The following SLC4A10 variants were observed in gnomAD, a reference collection of about 807,000 sequenced individuals.
SLC4A10 encodes sodium-driven chloride bicarbonate exchanger.
A neutral mutation model predicts 137.7 loss-of-function variants in SLC4A10; 42 were observed. That is an observed-to-expected ratio of 0.30 (90% confidence interval 0.24 to 0.39). The LOEUF (loss-of-function observed/expected upper bound fraction) is 0.39, where lower values mean the gene tolerates loss of function less well. Ranked by LOEUF, SLC4A10 falls within the 10% of genes least tolerant of loss-of-function variation. The probability of loss-of-function intolerance (pLI) is 1.00; values close to 1 mark genes in which losing one functional copy is unlikely to be tolerated. For synonymous variants in SLC4A10, 474 were observed against 464.1 expected, an observed-to-expected ratio of 1.02 and a Z score of -0.27; for missense variants, 925 against 1,355.0, an observed-to-expected ratio of 0.68 and a Z score of 4.98.
chr2:161,917,878 C>T (rs555483726), intron 15 of SLC4A10, among the ~76,000 whole-genome samples: 1 of 152,242 alleles, frequency 6.6e-6, no homozygotes, highest in African/African-American at 2.4e-5. Flanking sequence ...ATTTGTTAAA[C>T]AAATGAATGA....
At chr2:161,825,677 C>G (rs565920214) in intron 3 of SLC4A10, among the ~76,000 whole-genome samples, 1 of 152,268 alleles carries the variant, frequency 6.6e-6, no homozygotes, top group South Asian at 2.1e-4. Context: ...CTGGTAAATA[C>G]TGAAAGTGTG....
chr2:161,756,129 G>A (rs1048157373), intron 1 of SLC4A10, among the ~76,000 whole-genome samples: 2 of 152,092 alleles, frequency 1.3e-5, no homozygotes, highest in South Asian at 4.1e-4. Context: ...ATTGAATTTT[G>A]ATGGTGTACT....
chr2:161,751,102 G>A lies in SLC4A10; in HGVS notation c.49-19871G>A, dbSNP rs533886550. 1.3e-3 allele frequency among the ~76,000 whole-genome samples: 197 copies of A among 151,772 alleles called. 6 individuals are homozygous for A. In the South Asian group the frequency reaches 0.037, roughly 28 times the overall value. ...ATCCTTTCAATTTCCACTTATACAT[G>A]TCCTTGAATCTAAATTGAGTTTCTT... On this transcript the variant is annotated intron_variant, in intron 1 of 26. Coordinates refer to ENST00000446997, the MANE Select transcript of SLC4A10 (RefSeq NM_001178015.2).
At chr2:161,832,497 T>G (rs947792125) in intron 3 of SLC4A10, among the ~76,000 whole-genome samples, 2 of 152,154 alleles carry the variant, frequency 1.3e-5, no homozygotes, top group African/African-American at 4.8e-5. Flanking sequence ...AATTGTCTAG[T>G]AAGCAGAGCA....
At chr2:161,897,768 T>G (rs1341554589) in intron 11 of SLC4A10, among the ~76,000 whole-genome samples, 1 of 152,182 alleles carries the variant, frequency 6.6e-6, no homozygotes, top group Non-Finnish European at 1.5e-5. Context: ...ATCTTTGTAC[T>G]AATGATATTA....
intron 1 of SLC4A10, among the ~76,000 whole-genome samples, chr2:161,666,566 G>C (rs1039563965): frequency 2.6e-5 from 4 of 151,668 alleles, no homozygotes; most frequent in Non-Finnish European, 4.4e-5. Flanking sequence ...AATACTTCAT[G>C]TAAAACTCAG....
intron 1 of SLC4A10, among the ~76,000 whole-genome samples, chr2:161,703,212 G>A (rs1043700717): frequency 2.6e-5 from 4 of 151,684 alleles, no homozygotes; most frequent in East Asian, 1.9e-4. Context: ...ATGTAAGGCT[G>A]TGTGCACAAA....
At position 161,862,938 on chromosome 2, in the gene SLC4A10, T is replaced by C. The variant is rs758528961; in HGVS notation, c.642T>C (p.His214=). Residue 214 remains histidine, a synonymous_variant, in exon 6 of 27, where the codon CAT becomes CAC. Coordinates refer to ENST00000446997, the MANE Select transcript of SLC4A10 (RefSeq NM_001178015.2). ...QLNEDVRHRV[H]EALMKQHHHQ... ...ATGAAGATGTACGCCATAGGGTCCA[T>C]GAGGCATTGATGAAACAGCATCATC... 5.0e-6 allele frequency: 8 copies of C among 1,613,570 alleles called. No homozygotes were observed. The highest frequency in any genetic ancestry group is 6.8e-6 in the Non-Finnish European group (8 of 1,179,766).
rs543368870 is a variant in SLC4A10 at position 161,682,831 on chromosome 2, A to G, written c.48+58265A>G. Among the ~76,000 whole-genome samples the G allele has an allele frequency of 1.5e-3, 235 of 152,154 alleles. 1 individual carries two copies. The highest frequency in any genetic ancestry group is 5.5e-3 in the African/African-American group (230 of 41,520). Reference sequence around the variant, plus strand: ...CCTGTAGGGTGGACAGATCTTTTACATGGCAGTTCATGGCTCCCCATAGTA... The same window carrying G: ...CCTGTAGGGTGGACAGATCTTTTACGTGGCAGTTCATGGCTCCCCATAGTA... On this transcript the variant is annotated intron_variant, in intron 1 of 26. Coordinates refer to ENST00000446997, the MANE Select transcript of SLC4A10 (RefSeq NM_001178015.2).
At chr2:161,957,539 G>T (rs1256690165) in intron 20 of SLC4A10, among the ~76,000 whole-genome samples, 2 of 152,146 alleles carry the variant, frequency 1.3e-5, no homozygotes, top group African/African-American at 4.8e-5. Flanking sequence ...CATTGTTTCT[G>T]ACTGACTTGT....
Position 161,937,884 on chromosome 2 carries a change from A to C in SLC4A10, c.1998-4908A>C, listed in dbSNP as rs187118163. Among the ~76,000 whole-genome samples the C allele has an allele frequency of 3.3e-3, 504 of 152,294 alleles. 1 individual carries two copies. The highest frequency in any genetic ancestry group is 5.6e-3 in the Non-Finnish European group (382 of 68,030). ...GTACCTTAAGGAGGAGAAGTAAAGA[A>C]CAGGAAGTTACTGTTATAGAGTGAA... On this transcript the variant is annotated intron_variant, in intron 15 of 26. Coordinates refer to ENST00000446997, the MANE Select transcript of SLC4A10 (RefSeq NM_001178015.2).
chr2:161,659,152 CTG>C (rs2037963296), intron 1 of SLC4A10, among the ~76,000 whole-genome samples: 1 of 152,272 alleles, frequency 6.6e-6, no homozygotes, highest in African/African-American at 2.4e-5. Flanking sequence ...TGGAATCAAT[CTG>C]TGTGTCCATC....
At chr2:161,888,602 G>A (rs746772877) in intron 10 of SLC4A10, among the ~76,000 whole-genome samples, 3 of 152,108 alleles carry the variant, frequency 2.0e-5, no homozygotes, top group Non-Finnish European at 4.4e-5. Flanking sequence ...TCTGTTATTG[G>A]TGTATAGGAA....
At chr2:161,694,273 C>T (rs1415714935) in intron 1 of SLC4A10, among the ~76,000 whole-genome samples, 12 of 151,952 alleles carry the variant, frequency 7.9e-5, no homozygotes. Context: ...AGGATTGAGA[C>T]ACCTTAACTC....
At chr2:161,702,062 A>G (rs2043178804) in intron 1 of SLC4A10, among the ~76,000 whole-genome samples, 1 of 151,936 alleles carries the variant, frequency 6.6e-6, no homozygotes, top group Non-Finnish European at 1.5e-5. Flanking sequence ...TATATACCCA[A>G]AAGAAAGGAA....
intron 21 of SLC4A10, among the ~76,000 whole-genome samples, chr2:161,960,422 A>C (rs1409723045): frequency 6.6e-6 from 1 of 150,538 alleles, no homozygotes; most frequent in African/African-American, 2.4e-5. Context: ...CAGGACAGGG[A>C]AGAAGGCTAT....
intron 1 of SLC4A10, among the ~76,000 whole-genome samples, chr2:161,677,016 T>C (rs1179059650): frequency 1.3e-5 from 2 of 152,138 alleles, no homozygotes; most frequent in African/African-American, 4.8e-5. Flanking sequence ...TTTGGCCCTG[T>C]CAAGTCTCAT....
At chr2:161,853,524 T>A (rs2059938639) in intron 4 of SLC4A10, among the ~76,000 whole-genome samples, 1 of 152,222 alleles carries the variant, frequency 6.6e-6, no homozygotes, top group African/African-American at 2.4e-5. Context: ...GTAGTGATGT[T>A]CTACACTTTC....
chr2:161,921,342 T>G (rs1688092363), intron 15 of SLC4A10, among the ~76,000 whole-genome samples: 1 of 152,080 alleles, frequency 6.6e-6, no homozygotes, highest in Non-Finnish European at 1.5e-5. Context: ...CCTTAAAAGT[T>G]CTAATAAGTT....
Sources: gnomAD v4.1 joint callset for allele counts (sites outside exome capture counted in the v4.1 genomes callset) on GRCh38, gnomAD v4.1.1 for gene constraint, MANE v1.5 for transcripts, NCBI Gene and HGNC (gene_info 2026-07-23, HGNC 2026-07-21) for gene names.